Variants in SEMA4D observed in about 807,000 individuals in gnomAD.
SEMA4D encodes the protein semaphorin 4D, also known as semaphorin-4D.
A neutral mutation model predicts 74.8 loss-of-function variants in SEMA4D; 22 were observed. That is an observed-to-expected ratio of 0.29 (90% confidence interval 0.21 to 0.42). The LOEUF is 0.42. Ranked by LOEUF, SEMA4D falls within the 10% of genes least tolerant of loss-of-function variation. The probability of loss-of-function intolerance (pLI) is 1.00; values close to 1 mark genes in which losing one functional copy is unlikely to be tolerated. For synonymous variants in SEMA4D, 445 were observed against 463.7 expected, an observed-to-expected ratio of 0.96 and a Z score of 0.52; for missense variants, 937 against 1,118.4, an observed-to-expected ratio of 0.84 and a Z score of 2.31.
intron 16 of SEMA4D, among the ~76,000 whole-genome samples, chr9:89,370,964 A>G (rs1415286166): frequency 1.0e-4 from 5 of 48,322 alleles, no homozygotes; most frequent in African/African-American, 1.7e-4. Context: ...TATCTGGGGT[A>G]GGGTGTGTAT....
At chr9:89,362,453 A>G (rs1402636992) in intron 18 of SEMA4D, 1 of 1,613,942 alleles carries the variant, frequency 6.2e-7, no homozygotes, top group Non-Finnish European at 8.5e-7. Context: ...TGGTCTTTGA[A>G]TCCTTGGTGG....
intron 1 of SEMA4D, among the ~76,000 whole-genome samples, chr9:89,489,505 C>A (rs1825463239): frequency 6.6e-6 from 1 of 152,184 alleles, no homozygotes; most frequent in Non-Finnish European, 1.5e-5. Flanking sequence ...ACTTCCCATT[C>A]CCCCACCTCC....
chr9:89,362,235 TC>T (rs1210150328), exon 19 of SEMA4D: 1 of 1,185,204 alleles, frequency 8.4e-7, no homozygotes, highest in Non-Finnish European at 1.2e-6. Context: ...TTCTCCACTG[TC>T]CCGCCTCTGC....
chr9:89,447,434 G>A (rs1014806137), intron 2 of SEMA4D, among the ~76,000 whole-genome samples: 4 of 151,720 alleles, frequency 2.6e-5, no homozygotes, highest in Non-Finnish European at 1.5e-5. Context: ...CAGCCCAGGT[G>A]GAAGCCCACT....
chr9:89,417,114 T>C (rs1028514736), intron 2 of SEMA4D, among the ~76,000 whole-genome samples: 1 of 152,180 alleles, frequency 6.6e-6, no homozygotes, highest in African/African-American at 2.4e-5. Context: ...AATTACCTTA[T>C]AACTAAAGAT....
At chr9:89,460,959 A>G (rs1857064447) in intron 1 of SEMA4D, among the ~76,000 whole-genome samples, 1 of 152,190 alleles carries the variant, frequency 6.6e-6, no homozygotes, top group South Asian at 2.1e-4. Flanking sequence ...ACCCCGCAGC[A>G]GAGAGAAAGG....
chr9:89,468,095 G>A (rs192777821), intron 1 of SEMA4D, among the ~76,000 whole-genome samples: 18 of 152,292 alleles, frequency 1.2e-4, no homozygotes, highest in African/African-American at 4.1e-4. Context: ...TCATCCAAAC[G>A]ACTTTGATCA....
At chr9:89,450,668 A>T in intron 2 of SEMA4D, 3 of 371,760 alleles carry the variant, frequency 8.1e-6, no homozygotes, top group East Asian at 7.7e-5. Context: ...AGGAAAAAAA[A>T]AAAAAAAAAA....
intron 2 of SEMA4D, among the ~76,000 whole-genome samples, chr9:89,406,158 A>ATGTAC (rs1281840379): frequency 6.6e-6 from 1 of 152,230 alleles, no homozygotes; most frequent in Non-Finnish European, 1.5e-5. Context: ...GAGAGCTAAG[A>ATGTAC]TGTACATGTG....
intron 2 of SEMA4D, among the ~76,000 whole-genome samples, chr9:89,428,338 C>G (rs563033856): frequency 6.6e-6 from 1 of 152,246 alleles, no homozygotes; most frequent in Non-Finnish European, 1.5e-5. Flanking sequence ...AACACAGTCC[C>G]TGGCCCTGCA....
chr9:89,406,718 C>G (rs11265796), intron 2 of SEMA4D, among the ~76,000 whole-genome samples: 1 of 152,172 alleles, frequency 6.6e-6, no homozygotes, highest in Non-Finnish European at 1.5e-5. Context: ...CCTGGGATCC[C>G]TGAGTCCCTT....
intron 1 of SEMA4D, among the ~76,000 whole-genome samples, chr9:89,471,733 GGTGC>G (rs1860344411): frequency 2.6e-5 from 4 of 151,612 alleles, no homozygotes; most frequent in Non-Finnish European, 5.9e-5. Flanking sequence ...TACAGGCTGA[GGTGC>G]ATGCCAGCTC....
intron 16 of SEMA4D, among the ~76,000 whole-genome samples, chr9:89,371,411 T>G (rs1588109316): frequency 1.1e-5 from 1 of 88,234 alleles, no homozygotes; most frequent in Non-Finnish European, 2.3e-5. Flanking sequence ...GTGTCTGGGG[T>G]GTGGTGTGTG....
chr9:89,458,469 T>G (rs778566267), intron 1 of SEMA4D, among the ~76,000 whole-genome samples: 11 of 152,078 alleles, frequency 7.2e-5, no homozygotes, highest in Non-Finnish European at 1.5e-4. Flanking sequence ...TGGGCCCACC[T>G]AAAAGACTGC....
At chr9:89,454,422 C>T (rs555521309) in intron 2 of SEMA4D, among the ~76,000 whole-genome samples, 31 of 152,294 alleles carry the variant, frequency 2.0e-4, no homozygotes, top group African/African-American at 7.5e-4. Context: ...TCAGCCCCCC[C>T]CAGATTTTCA....
intron 5 of SEMA4D, among the ~76,000 whole-genome samples, chr9:89,397,292 T>TAC (rs1411708201): frequency 3.3e-5 from 5 of 152,240 alleles, no homozygotes; most frequent in African/African-American, 1.2e-4. Flanking sequence ...TCTTGCTAAG[T>TAC]ACGTGGACCA....
At chr9:89,472,370 T>C in intron 1 of SEMA4D, 1 of 384,924 alleles carries the variant, frequency 2.6e-6, no homozygotes, top group South Asian at 2.3e-5. Context: ...GACAAGACAC[T>C]TACAAGATGG....
intron 2 of SEMA4D, among the ~76,000 whole-genome samples, chr9:89,434,293 A>G (rs1039880071): frequency 6.6e-6 from 1 of 152,192 alleles, no homozygotes; most frequent in East Asian, 1.9e-4. Context: ...GGAGCCAGCC[A>G]GGACCCTAGA....
chr9:89,403,837 G>A (rs1022468287), intron 3 of SEMA4D, among the ~76,000 whole-genome samples: 2 of 152,204 alleles, frequency 1.3e-5, no homozygotes, highest in African/African-American at 4.8e-5. Context: ...GCCAAGGTGG[G>A]ACGACTGCTT....
Sources: allele counts gnomAD v4.1 joint callset (sites outside exome capture counted in the v4.1 genomes callset), GRCh38; gene constraint gnomAD v4.1.1; transcripts MANE v1.5; gene names NCBI Gene and HGNC (gene_info 2026-07-23, HGNC 2026-07-21).